RFX4: variants seen among roughly 807,000 people sequenced by gnomAD.
RFX4 encodes transcription factor RFX4.
In RFX4, 10 loss-of-function variants were observed where a neutral mutation model predicts 95.0. The ratio of observed to expected loss-of-function variants is 0.11; its 90% CI spans 0.06 to 0.18. The LOEUF is 0.18. RFX4 is among the 10% of genes least tolerant of loss of function. The pLI, the probability that RFX4 is intolerant of heterozygous loss-of-function variation, is 1.00. For synonymous variants in RFX4, 321 were observed against 340.7 expected, an observed-to-expected ratio of 0.94 and a Z score of 0.64; for missense variants, 640 against 922.0, an observed-to-expected ratio of 0.69 and a Z score of 3.96.
At chr12:106,684,546 C>T in intron 5 of RFX4, 1 of 391,434 alleles carries the variant, frequency 2.6e-6, no homozygotes, top group Non-Finnish European at 4.3e-6. Flanking sequence ...GCTACGTGAT[C>T]TCTGAATAGT....
chr12:106,740,456 G>A (rs2042786637), intron 15 of RFX4, among the ~76,000 whole-genome samples: 1 of 152,076 alleles, frequency 6.6e-6, no homozygotes, highest in South Asian at 2.1e-4. Context: ...TAAAGGAATG[G>A]AATCACGAAA....
chr12:106,613,305 A>T (rs1048940741), intron 2 of RFX4, among the ~76,000 whole-genome samples: 1 of 150,342 alleles, frequency 6.7e-6, no homozygotes, highest in African/African-American at 2.4e-5. Flanking sequence ...CATGATCTGT[A>T]GTCCTTTTAC....
At chr12:106,739,787 C>G (rs1481401120) in intron 15 of RFX4, among the ~76,000 whole-genome samples, 1 of 152,164 alleles carries the variant, frequency 6.6e-6, no homozygotes, top group Non-Finnish European at 1.5e-5. Context: ...TCCATTTTCT[C>G]CCCAAATTTG....
At chr12:106,693,350 C>CAG (rs2041821373) in intron 7 of RFX4, among the ~76,000 whole-genome samples, 1 of 152,190 alleles carries the variant, frequency 6.6e-6, no homozygotes, top group South Asian at 2.1e-4. Context: ...TTCAAACAGA[C>CAG]AGATGCCTGC....
In RFX4 at chr12:106,721,736, C is replaced by G. The variant is rs945658879; in HGVS notation, c.1351+860C>G. Among the ~76,000 whole-genome samples the G allele has an allele frequency of 8.5e-5, 13 of 152,152 alleles. 1 individual carries two copies. Among genetic ancestry groups the G allele is most frequent in the Non-Finnish European group, 1.5e-5 (1 of 68,030 alleles). ...TTTTCTGGGTAATTGCTTCAGTTCT[C>G]TATTTCCCTTTGCAAGTAAGGGTTG... On this transcript the variant is annotated intron_variant, in intron 13 of 17. Transcript: ENST00000392842.
In RFX4 at chr12:106,608,790, T is replaced by C. The variant is rs2039894138; in HGVS notation, c.44-7T>C. On this transcript the variant is annotated splice_region_variant and splice_polypyrimidine_tract_variant and intron_variant, in intron 1 of 17. Coordinates refer to ENST00000392842, the MANE Select transcript of RFX4 (RefSeq NM_213594.3). The stretch of plus-strand genomic sequence containing the variant: ...TTTCTTTCTTTCTTTCTTTTTTTTT[T>C]TTTTAGAGAGCTGGATTGAAAGATG... 6.3e-7 allele frequency: 1 copy of C among 1,575,650 alleles called. No individual in the cohort carries two copies. The highest frequency in any genetic ancestry group is 8.5e-7 in the Non-Finnish European group (1 of 1,169,894).
At chr12:106,601,161 G>A (rs1292908140) in intron 1 of RFX4, 1 of 1,486,300 alleles carries the variant, frequency 6.7e-7, no homozygotes, top group East Asian at 2.5e-5. Context: ...CCACTGACCT[G>A]AGCCACCCCC....
chr12:106,684,711 T>A, intron 5 of RFX4: 1 of 1,489,372 alleles, frequency 6.7e-7, no homozygotes, highest in East Asian at 2.5e-5. Flanking sequence ...GAGTTCCAGG[T>A]GGGAAGGCAG....
chr12:106,747,640 T>A (rs769220223), intron 16 of RFX4, 41 bp downstream of exon 16: 8 of 1,602,714 alleles, frequency 5.0e-6, no homozygotes, highest in Non-Finnish European at 6.8e-6. Context: ...TTTTAAAATT[T>A]GATCTAAAGA....
chr12:106,610,144 A>C (rs2194968), intron 2 of RFX4, among the ~76,000 whole-genome samples: 6,097 of 151,472 alleles, frequency 0.04, 332 homozygotes, highest in African/African-American at 0.12. Context: ...AGGCTGAGGC[A>C]GGAGAATGGC....
intron 2 of RFX4, among the ~76,000 whole-genome samples, chr12:106,611,733 A>T (rs2039965808): frequency 6.6e-6 from 1 of 152,026 alleles, no homozygotes; most frequent in Admixed American, 6.6e-5. Context: ...GGTTGGTCTC[A>T]AACTCCTGAC....
chr12:106,687,182 T>TCACACACACA (rs56006444), intron 6 of RFX4, 85 bp downstream of exon 6: 19 of 547,102 alleles, frequency 3.5e-5, no homozygotes, highest in African/African-American at 2.1e-4. Context: ...TCTCTCTCTC[T>TCACACACACA]CACACACACA....
intron 2 of RFX4, among the ~76,000 whole-genome samples, chr12:106,618,788 TA>T (rs2040124352): frequency 6.6e-6 from 1 of 152,186 alleles, no homozygotes; most frequent in African/African-American, 2.4e-5. Flanking sequence ...ATTTATTTTT[TA>T]TTTTCCCATC....
rs1293398283 is a variant in RFX4 at position 106,761,409 on chromosome 12, G to T, written c.2148G>T (p.Met716Ile). 1.2e-6 allele frequency: 2 copies of T among 1,614,112 alleles called. No homozygotes were observed. The highest frequency in any genetic ancestry group is 1.7e-6 in the Non-Finnish European group (2 of 1,180,008). Residue 716 changes from methionine to isoleucine, a missense_variant, in exon 18 of 18, where the codon ATG becomes ATT. Physicochemically the swap from Met to Ile is conservative, Grantham distance 10. This residue lies in a region of RFX4 where 300 missense variants were observed against 346.8 expected (regional missense o/e 0.87). Coordinates refer to ENST00000392842, the MANE Select transcript of RFX4 (RefSeq NM_213594.3). The stretch of plus-strand genomic sequence containing the variant: ...GCAGGAATTCTGAATATGAGCACAT[G>T]CAACACTTTCCTGGCTTTGCTTACA... ...TTRRNSEYEHMQHFPGFAYIN... is the reference protein window; with the variant it reads ...TTRRNSEYEHIQHFPGFAYIN...
chr12:106,631,967 A>G (rs901015929), intron 2 of RFX4, among the ~76,000 whole-genome samples: 2 of 152,166 alleles, frequency 1.3e-5, no homozygotes, highest in Non-Finnish European at 2.9e-5. Context: ...AGTCCTTTGA[A>G]CCGGAAGTGG....
At chr12:106,660,616 T>C (rs910773738) in intron 4 of RFX4, among the ~76,000 whole-genome samples, 3 of 152,010 alleles carry the variant, frequency 2.0e-5, no homozygotes, top group Non-Finnish European at 4.4e-5. Flanking sequence ...TACAAATGAG[T>C]TGCTTTCCAA....
chr12:106,600,529 A>G (rs1040362143), intron 1 of RFX4, among the ~76,000 whole-genome samples: 8 of 152,168 alleles, frequency 5.3e-5, no homozygotes, highest in Admixed American at 3.9e-4. Flanking sequence ...CCCCTGGTGC[A>G]TGGTATCCCA....
chr12:106,663,756 G>GTT (rs551357817), intron 4 of RFX4, among the ~76,000 whole-genome samples: 5 of 138,724 alleles, frequency 3.6e-5, no homozygotes, highest in Non-Finnish European at 6.3e-5. Context: ...TGCAGAAAGC[G>GTT]TTTTTTTTTT....
rs2043205860 is a variant in RFX4 at position 106,761,388 on chromosome 12, G to A, written c.2127G>A (p.Arg709=). Residue 709 remains arginine (R), a synonymous_variant, in exon 18 of 18, where the codon AGG becomes AGA. Coordinates refer to ENST00000392842, the MANE Select transcript of RFX4 (RefSeq NM_213594.3). ...SDMYTPLTTR[R]NSEYEHMQHF... is the part of the protein sequence containing the mutation. ...TGTATACACCTCTGACAACGCGCAG[G>A]AATTCTGAATATGAGCACATGCAAC... 4 of 1,614,062 alleles carry A rather than the reference G, an allele frequency of 2.5e-6. No individual in the cohort carries two copies. The highest frequency in any genetic ancestry group is 3.4e-6 in the Non-Finnish European group (4 of 1,180,016).
Sources: gnomAD v4.1 joint callset for allele counts (sites outside exome capture counted in the v4.1 genomes callset) on GRCh38, gnomAD v4.1.1 for gene constraint, gnomAD v4.1.1 regional missense constraint, MANE v1.5 for transcripts, NCBI Gene and HGNC (gene_info 2026-07-23, HGNC 2026-07-21) for gene names.